The following ADORA2B variants were observed in gnomAD, a reference collection of about 807,000 sequenced individuals.
ADORA2B encodes the protein adenosine receptor A2b.
In ADORA2B, 18 loss-of-function variants were observed where a neutral mutation model predicts 20.8. The ratio of observed to expected loss-of-function variants is 0.87; its 90% confidence interval spans 0.60 to 1.29. The LOEUF (loss-of-function observed/expected upper bound fraction) is 1.29, where lower values mean the gene tolerates loss of function less well. ADORA2B is among the 50% of genes most tolerant of loss of function. The pLI is 0.00. For missense variants in ADORA2B, 441 were observed against 422.7 expected, an observed-to-expected ratio of 1.04 and a Z score of -0.38; for synonymous variants, 179 against 178.3, an observed-to-expected ratio of 1.00 and a Z score of -0.03.
chr17:15,956,215 T>G (rs1244248110), intron 1 of ADORA2B, among the ~76,000 whole-genome samples: 2 of 152,248 alleles, frequency 1.3e-5, no homozygotes. Context: ...AAAAACATTT[T>G]TTAGATTCAC....
upstream of ADORA2B, among the ~76,000 whole-genome samples, chr17:15,944,177 TC>T (rs531249062): frequency 3.6e-3 from 542 of 152,082 alleles, 4 homozygotes; most frequent in Middle Eastern, 0.014. This position sits in a 1 kb window ranked among gnomAD's most constrained non-coding sequence, Gnocchi z 4.8. Flanking sequence ...ACGAACAGGG[TC>T]CCAGGAAAAG....
chr17:15,905,760 A>G, the ADORA2B span, among the ~76,000 whole-genome samples: 1 of 152,016 alleles, frequency 6.6e-6, no homozygotes, highest in Non-Finnish European at 1.5e-5. Context: ...GGTTCAAGCA[A>G]TTCTCCTGCC....
intron 1 of ADORA2B, among the ~76,000 whole-genome samples, chr17:15,965,711 T>C (rs1270480287): frequency 1.3e-5 from 2 of 152,224 alleles, no homozygotes; most frequent in Admixed American, 6.5e-5. Flanking sequence ...TGTGGGCTCC[T>C]GGGAACAAGA....
chr17:15,874,969 A>G, the ADORA2B span, among the ~76,000 whole-genome samples: 12 of 152,138 alleles, frequency 7.9e-5, no homozygotes, highest in Non-Finnish European at 1.8e-4. Flanking sequence ...AGAGGAGAAA[A>G]TGGCATTCCT....
chr17:15,920,012 C>G, the ADORA2B span, among the ~76,000 whole-genome samples: 1 of 152,140 alleles, frequency 6.6e-6, no homozygotes, highest in Non-Finnish European at 1.5e-5. Context: ...CCAAAGTACC[C>G]CAGTGGCCCC....
At chr17:15,870,096 C>T in the ADORA2B span, among the ~76,000 whole-genome samples, 1 of 148,386 alleles carries the variant, frequency 6.7e-6, no homozygotes, top group Admixed American at 6.8e-5. Flanking sequence ...TTTACATATT[C>T]TCTAGAACTG....
the ADORA2B span, among the ~76,000 whole-genome samples, chr17:15,866,742 T>G: frequency 0.35 from 39,615 of 113,750 alleles, 3,689 homozygotes; most frequent in African/African-American, 0.39. Context: ...TGCCTCTGCC[T>G]CTGCCGCTGC....
chr17:15,867,926 GA>G, the ADORA2B span, among the ~76,000 whole-genome samples: 1 of 151,968 alleles, frequency 6.6e-6, no homozygotes. Flanking sequence ...TTGTGGAATA[GA>G]AAGGGGGGAA....
chr17:15,862,699 T>G, the ADORA2B span, among the ~76,000 whole-genome samples: 4 of 152,084 alleles, frequency 2.6e-5, no homozygotes, highest in African/African-American at 9.7e-5. Flanking sequence ...GCAACACACA[T>G]AACATTTCAC....
At chr17:15,882,676 C>CT in the ADORA2B span, among the ~76,000 whole-genome samples, 1 of 152,148 alleles carries the variant, frequency 6.6e-6, no homozygotes, top group Non-Finnish European at 1.5e-5. Context: ...CCCATTTACA[C>CT]TTTTTTCCAT....
chr17:15,948,733 G>A (rs550631763), intron 1 of ADORA2B, among the ~76,000 whole-genome samples: 8 of 152,030 alleles, frequency 5.3e-5, no homozygotes, highest in Admixed American at 3.9e-4. Flanking sequence ...GTCCAGTGCC[G>A]TGTATCTGAC....
At chr17:15,919,001 G>A in the ADORA2B span, among the ~76,000 whole-genome samples, 1 of 152,080 alleles carries the variant, frequency 6.6e-6, no homozygotes, top group Non-Finnish European at 1.5e-5. Context: ...ACCAACATCC[G>A]GTTTATGGCT....
At chr17:15,944,213 T>C (rs1255197322), upstream of ADORA2B, among the ~76,000 whole-genome samples, 1 of 152,066 alleles carries the variant, frequency 6.6e-6, no homozygotes, top group Admixed American at 6.6e-5. This position sits in a 1 kb window ranked among gnomAD's most constrained non-coding sequence, Gnocchi z 4.8. Flanking sequence ...TTGGGGAGAA[T>C]TAGAGATGAG....
the ADORA2B span, among the ~76,000 whole-genome samples, chr17:15,919,443 C>T: frequency 5.9e-5 from 9 of 152,270 alleles, no homozygotes; most frequent in East Asian, 1.7e-3. Flanking sequence ...AAACTGGGCT[C>T]CCTGAAAAAA....
At chr17:15,852,733 C>G in the ADORA2B span, among the ~76,000 whole-genome samples, 4 of 151,950 alleles carry the variant, frequency 2.6e-5, no homozygotes, top group Middle Eastern at 3.2e-3. Context: ...ATTTAAGACT[C>G]AACAAAGTTT....
the ADORA2B span, among the ~76,000 whole-genome samples, chr17:15,912,214 CAAA>C: frequency 5.3e-5 from 4 of 75,918 alleles, no homozygotes; most frequent in Non-Finnish European, 5.1e-5. Flanking sequence ...GACTCTGTCT[CAAA>C]AAAAAAAAAA....
chr17:15,882,915 C>T, the ADORA2B span, among the ~76,000 whole-genome samples: 1 of 152,150 alleles, frequency 6.6e-6, no homozygotes, highest in Non-Finnish European at 1.5e-5. Flanking sequence ...ATCATGTCAC[C>T]ATTCAGAAAA....
the ADORA2B span, among the ~76,000 whole-genome samples, chr17:15,889,674 G>A: frequency 1.5e-5 from 2 of 130,148 alleles, 1 homozygote; most frequent in Admixed American, 1.5e-4. Context: ...AAGGCGGGTA[G>A]ATCACCTGAG....
the ADORA2B span, among the ~76,000 whole-genome samples, chr17:15,875,811 C>T: frequency 1.3e-5 from 2 of 152,176 alleles, no homozygotes; most frequent in African/African-American, 2.4e-5. Flanking sequence ...GAACTTCTGA[C>T]GTCAGGTAAT....
Sources: allele counts gnomAD v4.1 joint callset (sites outside exome capture counted in the v4.1 genomes callset), GRCh38; gene constraint gnomAD v4.1.1; non-coding constraint Gnocchi (gnomAD v3.1); transcripts MANE v1.5; gene names NCBI Gene and HGNC (gene_info 2026-07-23, HGNC 2026-07-21).